Variants in CSMD1 observed in about 807,000 individuals in gnomAD.
CSMD1 encodes CUB and sushi domain-containing protein 1.
In CSMD1, 213 loss-of-function variants were observed where a neutral mutation model predicts 417.5. That is an observed-to-expected ratio of 0.51 (90% CI 0.46 to 0.57). The LOEUF (loss-of-function observed/expected upper bound fraction) is 0.57, where lower values mean the gene tolerates loss of function less well. Ranked by LOEUF, CSMD1 falls within the 20% of genes least tolerant of loss-of-function variation. The probability of loss-of-function intolerance (pLI) is 0.00; values close to 1 mark genes in which losing one functional copy is unlikely to be tolerated. For missense variants in CSMD1, 6,923 were observed against 4,529.7 expected (o/e 1.53, Z -15.17); for synonymous variants, 2,862 against 1,736.8 (o/e 1.65, Z -16.11).
intron 3 of CSMD1, among the ~76,000 whole-genome samples, chr8:4,398,708 T>G (rs563262875): frequency 6.6e-6 from 1 of 152,286 alleles, no homozygotes; most frequent in East Asian, 1.9e-4. Flanking sequence ...CTGCAACATT[T>G]AGCTACAGCT....
At chr8:4,191,343 C>G (rs561972487) in intron 3 of CSMD1, among the ~76,000 whole-genome samples, 19 of 152,074 alleles carry the variant, frequency 1.2e-4, no homozygotes, top group Admixed American at 6.5e-4. Flanking sequence ...CTGCAGTGAG[C>G]AGAGATCGCG....
rs767452914 is a variant in CSMD1, at chr8:4,899,398, A to T, written c.85+94934T>A. On this transcript the variant is annotated intron_variant, in intron 1 of 69. Transcript: ENST00000635120. ...ATATACTGAGGAATTATTTGGAAGGATATAAACATACTTCTCCCAGGAAGT... is the reference window on the plus strand; with the variant it reads ...ATATACTGAGGAATTATTTGGAAGGTTATAAACATACTTCTCCCAGGAAGT... Among the ~76,000 whole-genome samples, 96 of 152,236 alleles carry T rather than the reference A, an allele frequency of 6.3e-4. 1 individual carries two copies. The highest frequency in any genetic ancestry group is 5.6e-4 in the Non-Finnish European group (38 of 68,052).
At chr8:4,001,366 TG>T (rs1480127167) in intron 4 of CSMD1, among the ~76,000 whole-genome samples, 1 of 152,124 alleles carries the variant, frequency 6.6e-6, no homozygotes, top group Non-Finnish European at 1.5e-5. Context: ...ATTAGCCCCC[TG>T]GTTTCTCCAC....
chr8:3,112,713 G>A (rs1816593835), intron 42 of CSMD1, among the ~76,000 whole-genome samples: 1 of 152,180 alleles, frequency 6.6e-6, no homozygotes, highest in South Asian at 2.1e-4. Flanking sequence ...GAATAGTGAT[G>A]AAGAGAGATA....
At chr8:4,351,747 G>C (rs898383388) in intron 3 of CSMD1, among the ~76,000 whole-genome samples, 1 of 152,146 alleles carries the variant, frequency 6.6e-6, no homozygotes, top group Non-Finnish European at 1.5e-5. Context: ...GGTTGAGCAA[G>C]ACCCACTTGA....
At chr8:3,780,848 T>C (rs1025041538) in intron 5 of CSMD1, among the ~76,000 whole-genome samples, 4 of 152,216 alleles carry the variant, frequency 2.6e-5, no homozygotes, top group Admixed American at 6.5e-5. Context: ...AATAATTTTC[T>C]CTGCTTATTG....
chr8:3,496,718 C>A (rs982881109), intron 10 of CSMD1, among the ~76,000 whole-genome samples: 1 of 151,954 alleles, frequency 6.6e-6, no homozygotes, highest in Non-Finnish European at 1.5e-5. Context: ...CCCAGCTACT[C>A]GGGAAGCTGA....
chr8:4,369,085 T>A (rs914982616), intron 3 of CSMD1, among the ~76,000 whole-genome samples: 1 of 152,158 alleles, frequency 6.6e-6, no homozygotes, highest in Non-Finnish European at 1.5e-5. Context: ...AGACATTAAG[T>A]GCTAAAAACT....
At chr8:4,315,412 C>T (rs1357710581) in intron 3 of CSMD1, among the ~76,000 whole-genome samples, 2 of 152,048 alleles carry the variant, frequency 1.3e-5, no homozygotes, top group African/African-American at 4.8e-5. Context: ...GGATGAGTGG[C>T]CCATGTTCAG....
chr8:3,743,022 T>C (rs1451786801), intron 6 of CSMD1, among the ~76,000 whole-genome samples: 1 of 152,180 alleles, frequency 6.6e-6, no homozygotes, highest in African/African-American at 2.4e-5. Flanking sequence ...AACATACGCC[T>C]AGCACACTTG....
chr8:4,180,760 A>T (rs1367763487), intron 3 of CSMD1, among the ~76,000 whole-genome samples: 6 of 152,186 alleles, frequency 3.9e-5, no homozygotes, highest in Non-Finnish European at 8.8e-5. Flanking sequence ...ATTCCTTCTT[A>T]TCTAACATTG....
At chr8:4,679,802 G>T (rs914348799) in intron 1 of CSMD1, among the ~76,000 whole-genome samples, 1 of 151,852 alleles carries the variant, frequency 6.6e-6, no homozygotes, top group African/African-American at 2.4e-5. Context: ...ATTATAAAAT[G>T]CATAATTATT....
At chr8:4,192,891 G>T (rs907961977) in intron 3 of CSMD1, among the ~76,000 whole-genome samples, 1 of 152,106 alleles carries the variant, frequency 6.6e-6, no homozygotes, top group Non-Finnish European at 1.5e-5. Context: ...GATTCCATAA[G>T]TCACACCTTT....
intron 2 of CSMD1, among the ~76,000 whole-genome samples, chr8:4,464,645 A>C (rs959046903): frequency 6.6e-6 from 1 of 152,128 alleles, no homozygotes; most frequent in African/African-American, 2.4e-5. Flanking sequence ...AAGTTGAACC[A>C]TGGTAAGTCA....
At chr8:3,401,893 G>C (rs536882406) in intron 15 of CSMD1, among the ~76,000 whole-genome samples, 2 of 149,994 alleles carry the variant, frequency 1.3e-5, no homozygotes, top group Non-Finnish European at 3.0e-5. Flanking sequence ...TCACTTAGCT[G>C]ATAACAAAAA....
chr8:3,697,349 T>G (rs1214879811), intron 7 of CSMD1, among the ~76,000 whole-genome samples: 4 of 152,204 alleles, frequency 2.6e-5, no homozygotes, highest in Non-Finnish European at 5.9e-5. Context: ...AAACCAGGCT[T>G]AAGAGATATG....
intron 5 of CSMD1, among the ~76,000 whole-genome samples, chr8:3,947,990 G>A (rs377050483): frequency 1.3e-5 from 2 of 152,220 alleles, no homozygotes; most frequent in Non-Finnish European, 1.5e-5. Flanking sequence ...TGGATCACCT[G>A]AAGTCAGGTG....
At chr8:2,987,571 G>A (rs994246184) in intron 54 of CSMD1, among the ~76,000 whole-genome samples, 10 of 152,042 alleles carry the variant, frequency 6.6e-5, no homozygotes, top group South Asian at 6.2e-4. Flanking sequence ...ACTTCTCTTC[G>A]GATATAACTC....
intron 2 of CSMD1, among the ~76,000 whole-genome samples, chr8:4,439,896 A>G (rs1798367837): frequency 6.6e-6 from 1 of 152,186 alleles, no homozygotes; most frequent in Admixed American, 6.5e-5. Flanking sequence ...AATCAACTAC[A>G]CAACAGTTAA....
Sources: allele counts gnomAD v4.1 joint callset (sites outside exome capture counted in the v4.1 genomes callset), GRCh38; gene constraint gnomAD v4.1.1; transcripts MANE v1.5; gene names NCBI Gene and HGNC (gene_info 2026-07-23, HGNC 2026-07-21).